COPE: variants seen among roughly 807,000 people sequenced by gnomAD.
The protein encoded by COPE is coatomer subunit epsilon.
Under a neutral mutation model 42.1 loss-of-function variants are expected in COPE, and 19 were observed. That is an observed-to-expected ratio of 0.45 (90% confidence interval 0.31 to 0.66). COPE has a LOEUF of 0.66. COPE is among the 30% of genes least tolerant of loss of function. COPE has a pLI of 0.05. For synonymous variants in COPE, 195 were observed against 181.3 expected, an observed-to-expected ratio of 1.08 and a Z score of -0.60; for missense variants, 402 against 416.1, an observed-to-expected ratio of 0.97 and a Z score of 0.30.
intron 2 of COPE, among the ~76,000 whole-genome samples, chr19:18,911,851 C>CTTT (rs537294392): frequency 2.2e-5 from 3 of 136,358 alleles, no homozygotes; most frequent in East Asian, 2.1e-4. Flanking sequence ...CACGCCCGGC[C>CTTT]TTTTTTTTTT....
chr19:18,903,567 G>A, intron 6 of COPE, 144 bp from the exon 7 acceptor site: 2 of 984,846 alleles, frequency 2.0e-6, no homozygotes, highest in East Asian at 3.0e-5. Flanking sequence ...ACTCCGCCAT[G>A]GGGACTACCC....
chr19:18,905,812 C>T lies in COPE; in HGVS notation c.444-183G>A, dbSNP rs956924636. ...ATTTCACCGCTCAGCTTCCTCAGGC[C>T]CAGGAGCTCTGGGGGAGGTACCCAG... On this transcript the variant is annotated intron_variant, in intron 4 of 9. Transcript: ENST00000262812. 6.7e-6 allele frequency: 4 copies of T among 599,276 alleles called. No individual in the cohort carries two copies. The African/African-American group carries it at 7.8e-5, about 12-fold the overall frequency. 37.1% of individuals were successfully genotyped at this position (599,276 alleles called of 1,614,324 possible).
At chr19:18,903,176 T>G in intron 7 of COPE, 92 bp downstream of exon 7, 3 of 1,329,312 alleles carry the variant, frequency 2.3e-6, no homozygotes, top group Admixed American at 3.3e-5. Flanking sequence ...ACCCAGGGGG[T>G]CTCTGCTACA....
In COPE at chr19:18,904,870, GAC is replaced by G. The variant is rs2056743859; in HGVS notation, c.498-20_498-19del. 7 of 1,551,172 alleles carry G rather than the reference GAC, an allele frequency of 4.5e-6. No individual in the cohort carries two copies. The East Asian group carries it at 1.7e-4, about 38-fold the overall frequency. Reference sequence around the variant, plus strand: ...GCTCCTTCCTGGGGCGGGGACAGATGACAGAGGGGCTGAGTGGCCGAGGGCCC... The same window carrying G: ...GCTCCTTCCTGGGGCGGGGACAGATGAGAGGGGCTGAGTGGCCGAGGGCCC... On this transcript the variant is annotated intron_variant, in intron 5 of 9. Transcript: ENST00000262812.
chr19:18,904,466 C>A (rs1237701482), intron 6 of COPE, among the ~76,000 whole-genome samples: 2 of 152,234 alleles, frequency 1.3e-5, no homozygotes, highest in Non-Finnish European at 2.9e-5. Context: ...CGCAGAAAAC[C>A]CCAGGAAGCC....
intron 7 of COPE, 96 bp downstream of exon 7, chr19:18,903,172 G>A: frequency 7.6e-7 from 1 of 1,323,730 alleles, no homozygotes; most frequent in Non-Finnish European, 1.0e-6. Context: ...GCACACCCAG[G>A]GGGTCTCTGC....
intron 3 of COPE, among the ~76,000 whole-genome samples, chr19:18,907,980 G>A (rs148615194): frequency 8.3e-4 from 127 of 152,262 alleles, no homozygotes; most frequent in South Asian, 6.4e-3. Context: ...CTGTTTCCCC[G>A]TGCTGAGGGA....
chr19:18,918,205 A>AAAG (rs2056875012), intron 1 of COPE, among the ~76,000 whole-genome samples: 2 of 129,270 alleles, frequency 1.5e-5, no homozygotes, highest in Non-Finnish European at 3.3e-5. Flanking sequence ...AAAAAAAAAG[A>AAAG]AAAGAAAAGA....
rs374487488 is a variant in COPE, at chr19:18,912,964, C to T, written c.189+20G>A. 2.3e-5 allele frequency: 37 copies of T among 1,610,318 alleles called. No homozygotes were observed. In the South Asian group the frequency reaches 2.5e-4, roughly 11 times the overall value. ...CTACTCTGTTCATCACTCTTGCCCC[C>T]GGCCAAGGCCCGCACTCACCTGCGC... On this transcript the variant is annotated intron_variant, in intron 2 of 9. Transcript: ENST00000262812.
rs1455512263 is a variant in COPE, at chr19:18,919,207, C to A, written c.126+16G>T. 1.9e-6 allele frequency: 3 copies of A among 1,604,606 alleles called. No individual in the cohort carries two copies. Among genetic ancestry groups the A allele is most frequent in the Non-Finnish European group, 2.6e-6 (3 of 1,174,668 alleles). On this transcript the variant is annotated intron_variant, in intron 1 of 9. Transcript: ENST00000262812. ...GCCTCCGCCCCCAGCGTCCCCGCGC[C>A]CCTGCGCGGCCGCACCTTCACCCGC...
chr19:18,915,788 C>T (rs557690054), intron 1 of COPE, among the ~76,000 whole-genome samples: 1 of 152,324 alleles, frequency 6.6e-6, no homozygotes, highest in East Asian at 1.9e-4. Flanking sequence ...CGCACTGGGC[C>T]GTCAGCAACT....
At position 18,902,813 on chromosome 19, in the gene COPE, G is replaced by A. The variant is rs370007753; in HGVS notation, c.735+455C>T. ...GGAAGGAAGGAAGGAAGGAAGGAAG[G>A]AAGGAAGGAAGGAAGAAAAGACTGC... On this transcript the variant is annotated intron_variant, in intron 7 of 9. Transcript: ENST00000262812. 3.0e-4 allele frequency among the ~76,000 whole-genome samples: 16 copies of A among 53,868 alleles called. 4 individuals are homozygous for A. The highest frequency in any genetic ancestry group is 5.7e-4 in the Admixed American group (2 of 3,500). 35.3% of individuals were successfully genotyped at this position (53,868 alleles called of 152,430 possible). A position where few individuals can be genotyped will look rare whatever the true frequency, so the allele number is the denominator to read the frequency against.
intron 6 of COPE, among the ~76,000 whole-genome samples, chr19:18,904,547 G>A (rs941692891): frequency 1.3e-5 from 2 of 152,224 alleles, no homozygotes; most frequent in Non-Finnish European, 2.9e-5. Flanking sequence ...TCAGGAACCC[G>A]TCCCCGCCCC....
Position 18,919,381 on chromosome 19 carries a change from A to G in COPE, c.-33T>C, listed in dbSNP as rs1293164926. The G allele has an allele frequency of 1.2e-6, 2 of 1,606,546 alleles. No homozygotes were observed. Among genetic ancestry groups the G allele is most frequent in the Non-Finnish European group, 1.7e-6 (2 of 1,176,706 alleles). On this transcript the variant is annotated 5_prime_UTR_variant, in exon 1 of 10. Transcript: ENST00000262812. The stretch of plus-strand genomic sequence containing the variant: ...TCTTCTCACCAGCTCCTCTTCCTGA[A>G]AGACACGTCAGCCGGAAGCAAGACA...
At chr19:18,916,944 CAAAAAAAAAAA>C (rs34497308) in intron 1 of COPE, among the ~76,000 whole-genome samples, 6 of 68,696 alleles carry the variant, frequency 8.7e-5, no homozygotes, top group East Asian at 4.8e-4. Flanking sequence ...GATCCTGTCT[CAAAAAAAAAAA>C]AAAAAAAAAA....
chr19:18,913,113 T>C, intron 1 of COPE, 67 bp from the exon 2 acceptor site: 1 of 1,400,422 alleles, frequency 7.1e-7, no homozygotes, highest in South Asian at 1.1e-5. Context: ...AGGGTGAGCA[T>C]GACAGACAGG....
intron 1 of COPE, 58 bp from the exon 2 acceptor site, chr19:18,913,104 G>C: frequency 6.7e-7 from 1 of 1,484,108 alleles, no homozygotes; most frequent in Non-Finnish European, 9.3e-7. Flanking sequence ...AGCCCACACA[G>C]GGTGAGCATG....
intron 3 of COPE, among the ~76,000 whole-genome samples, chr19:18,908,730 G>C (rs1163374355): frequency 6.6e-6 from 1 of 151,790 alleles, no homozygotes; most frequent in African/African-American, 2.4e-5. Context: ...TGTTAGCCAG[G>C]ATGGTCTCCA....
Position 18,900,360 on chromosome 19 carries a change from G to A in COPE, c.804+21C>T, listed in dbSNP as rs2056686349. 3 of 1,543,028 alleles carry A rather than the reference G, an allele frequency of 1.9e-6. 1 individual carries two copies. The Admixed American group carries it at 6.0e-5, about 31-fold the overall frequency. On this transcript the variant is annotated intron_variant, in intron 8 of 9. Transcript: ENST00000262812. ...AGGGTCTGGACATTAGGGTTGGCCT[G>A]GAGCCCTGGGGGCCGCTTACCTCAG...
Sources: allele counts gnomAD v4.1 joint callset (sites outside exome capture counted in the v4.1 genomes callset), GRCh38; gene constraint gnomAD v4.1.1; transcripts MANE v1.5; gene names NCBI Gene and HGNC (gene_info 2026-07-23, HGNC 2026-07-21).